The following ATAD2B variants were observed in gnomAD, a reference collection of about 807,000 sequenced individuals.
The protein encoded by ATAD2B is ATPase family AAA domain-containing protein 2B.
Under a neutral mutation model 167.6 loss-of-function variants are expected in ATAD2B, and 40 were observed. That is an observed-to-expected ratio of 0.24 (90% CI 0.19 to 0.31). The LOEUF (loss-of-function observed/expected upper bound fraction) is 0.31. Ranked by LOEUF, ATAD2B falls within the 10% of genes least tolerant of loss-of-function variation. The pLI is 1.00. For synonymous variants in ATAD2B, 579 were observed against 596.5 expected, an observed-to-expected ratio of 0.97 and a Z score of 0.43; for missense variants, 1,242 against 1,757.2, an observed-to-expected ratio of 0.71 and a Z score of 5.24.
At chr2:23,887,644 T>C (rs541696622) in intron 4 of ATAD2B, among the ~76,000 whole-genome samples, 188 bp downstream of exon 4, 26 of 152,274 alleles carry the variant, frequency 1.7e-4, no homozygotes, top group South Asian at 6.2e-4. Context: ...AGAGACTCAA[T>C]CCCACATACT....
At chr2:23,800,463 T>A (rs1683304956) in intron 18 of ATAD2B, among the ~76,000 whole-genome samples, 1 of 152,224 alleles carries the variant, frequency 6.6e-6, no homozygotes, top group Non-Finnish European at 1.5e-5. Flanking sequence ...CAACAGAAGG[T>A]TAAGTGATAA....
At chr2:23,848,998 G>C in intron 13 of ATAD2B, among the ~76,000 whole-genome samples, 1 of 150,500 alleles carries the variant, frequency 6.6e-6, no homozygotes. Context: ...AAACTCAATA[G>C]CAAAATTGAG....
intron 1 of ATAD2B, among the ~76,000 whole-genome samples, chr2:23,919,173 T>A (rs1703516178): frequency 1.4e-5 from 2 of 142,142 alleles, no homozygotes; most frequent in Admixed American, 7.8e-5. Flanking sequence ...AAAGACCCCA[T>A]CTCTATTAAA....
At chr2:23,920,045 G>A (rs966372696) in intron 1 of ATAD2B, among the ~76,000 whole-genome samples, 6 of 151,912 alleles carry the variant, frequency 3.9e-5, no homozygotes, top group Non-Finnish European at 5.9e-5. Context: ...TGGCTACTCA[G>A]GAGGCTGAGG....
In ATAD2B at chr2:23,849,542, A is replaced by G. The variant is rs576823300; in HGVS notation, c.1568+7873T>C. Among the ~76,000 whole-genome samples the G allele has an allele frequency of 1.2e-4, 19 of 152,326 alleles. No homozygotes were observed. The Middle Eastern group carries it at 0.017, about 136-fold the overall frequency. ...ATTAGACCTAAACATCTGTAAGAAA[A>G]CAAAAGAGGCCAGACACAGTGGCTC... is the stretch of plus-strand genomic sequence containing the variant. On this transcript the variant is annotated intron_variant, in intron 13 of 27. Coordinates refer to ENST00000238789, the MANE Select transcript of ATAD2B (RefSeq NM_017552.4).
At chr2:23,792,754 A>C (rs1307312916) in intron 19 of ATAD2B, among the ~76,000 whole-genome samples, 1 of 151,900 alleles carries the variant, frequency 6.6e-6, no homozygotes, top group Non-Finnish European at 1.5e-5. Flanking sequence ...CGAAGTCAGG[A>C]GATCAAGACC....
intron 21 of ATAD2B, 111 bp downstream of exon 21, chr2:23,785,916 G>T: frequency 1.1e-6 from 1 of 910,248 alleles, no homozygotes; most frequent in South Asian, 2.0e-5. Context: ...TTATAGGCTA[G>T]GGGTAATATT....
intron 25 of ATAD2B, among the ~76,000 whole-genome samples, chr2:23,757,027 T>C (rs1302323860): frequency 6.6e-6 from 1 of 152,154 alleles, no homozygotes; most frequent in Admixed American, 6.6e-5. Flanking sequence ...CTATTATCAC[T>C]AAGTCTTCTC....
rs185920931 is a variant in ATAD2B, at chr2:23,849,149, T to C, written c.1568+8266A>G. On this transcript the variant is annotated intron_variant, in intron 13 of 27. Coordinates refer to ENST00000238789, the MANE Select transcript of ATAD2B (RefSeq NM_017552.4). ...AATATATCAATAATTACATTAAACATTGACTAAACAGTCAAATTAAAATTA... is the reference window on the plus strand; with the variant it reads ...AATATATCAATAATTACATTAAACACTGACTAAACAGTCAAATTAAAATTA... Among the ~76,000 whole-genome samples, 169 of 152,218 alleles carry C rather than the reference T, an allele frequency of 1.1e-3. 1 individual carries two copies. In the Middle Eastern group the frequency reaches 0.045, roughly 40 times the overall value.
At chr2:23,798,066 G>A (rs909963521) in intron 19 of ATAD2B, 72 bp downstream of exon 19, 3 of 978,366 alleles carry the variant, frequency 3.1e-6, no homozygotes, top group Non-Finnish European at 4.3e-6. Flanking sequence ...TAATTAAAAG[G>A]TGTCCAATTT....
At position 23,807,913 on chromosome 2, in the gene ATAD2B, AATAT is replaced by A. The variant is rs1318487984; in HGVS notation, c.2454+2399_2454+2402del. Among the ~76,000 whole-genome samples the A allele has an allele frequency of 2.3e-5, 3 of 132,440 alleles. No homozygotes were observed. The East Asian group carries it at 6.1e-4, about 27-fold the overall frequency. The allele number at this position is 132,440 out of a possible 152,430, so 86.9% of individuals were successfully genotyped here. A position where few individuals can be genotyped will look rare whatever the true frequency, so the allele number is the denominator to read the frequency against. On this transcript the variant is annotated intron_variant, in intron 18 of 27. Transcript: ENST00000238789. Reference sequence around the variant, plus strand: ...GTATATAATAAAATATATAAATATAAATATATAAATATATTTATAATATATATAA... The same window carrying A: ...GTATATAATAAAATATATAAATATAAATAAATATATTTATAATATATATAA...
the ATAD2B span, among the ~76,000 whole-genome samples, chr2:23,728,548 TAAATTTTGTTTC>T: frequency 3.9e-4 from 60 of 152,284 alleles, no homozygotes; most frequent in African/African-American, 1.4e-3. Context: ...AGAAACTAAC[TAAATTTTGTTTC>T]AAAGAATAAC....
the ATAD2B span, among the ~76,000 whole-genome samples, chr2:23,694,687 G>C: frequency 6.6e-6 from 1 of 152,098 alleles, no homozygotes; most frequent in Non-Finnish European, 1.5e-5. Flanking sequence ...CAATTCTCCA[G>C]ACACACCATT....
chr2:23,772,172 G>A (rs924449907), intron 22 of ATAD2B, among the ~76,000 whole-genome samples: 1 of 151,592 alleles, frequency 6.6e-6, no homozygotes, highest in African/African-American at 2.4e-5. Flanking sequence ...TAAATAAATC[G>A]AGTCCCTTTT....
At chr2:23,813,287 ATATT>A (rs1011247478) in intron 17 of ATAD2B, among the ~76,000 whole-genome samples, 5 of 135,636 alleles carry the variant, frequency 3.7e-5, no homozygotes, top group Admixed American at 2.4e-4. Context: ...GAATTATAAA[ATATT>A]TATAAGTCAT....
chr2:23,895,900 G>C lies in ATAD2B; in HGVS notation c.287C>G (p.Pro96Arg), dbSNP rs750797548. The stretch of plus-strand genomic sequence containing the variant: ...TGATTTGTCTTTGCAAACAGAATCA[G>C]GTTGTTTCAAAGTGCGTTTGGCTGG... ...SPPAKRTLKQ[P>R]DSVCKDKSKS... The change falls in exon 2 of 28, where the codon CCT (proline) becomes CGT (arginine). Residue 96 changes from proline (P) to arginine (R), a missense_variant. Coordinates refer to ENST00000238789, the MANE Select transcript of ATAD2B (RefSeq NM_017552.4). 6.2e-7 allele frequency: 1 copy of C among 1,613,260 alleles called. No individual in the cohort carries two copies. Among genetic ancestry groups the C allele is most frequent in the Admixed American group, 1.7e-5 (1 of 59,960 alleles).
intron 22 of ATAD2B, among the ~76,000 whole-genome samples, chr2:23,769,939 C>T (rs901823099): frequency 6.6e-6 from 1 of 151,656 alleles, no homozygotes; most frequent in African/African-American, 2.4e-5. Flanking sequence ...CCACCTTGGC[C>T]TCCCAAAGTG....
In ATAD2B at chr2:23,751,781, A is replaced by G; in HGVS notation, c.*265T>C. ...GAGCAGAAGCGAGAGCAGTTTCTGT[A>G]GCACCAAAATCTCCAAGCTGTGGGG... On this transcript the variant is annotated 3_prime_UTR_variant, in exon 28 of 28. Coordinates refer to ENST00000238789, the MANE Select transcript of ATAD2B (RefSeq NM_017552.4). The G allele has an allele frequency of 2.1e-6, 1 of 470,990 alleles. No individual in the cohort carries two copies. Among genetic ancestry groups the G allele is most frequent in the Admixed American group, 4.0e-5 (1 of 24,956 alleles). 29.2% of individuals were successfully genotyped at this position (470,990 alleles called of 1,614,324 possible).
chr2:23,896,153 C>CAAAAAAAAA (rs1158562523), intron 1 of ATAD2B, among the ~76,000 whole-genome samples, 183 bp from the exon 2 acceptor site: 1 of 125,618 alleles, frequency 8.0e-6, no homozygotes, highest in Non-Finnish European at 1.7e-5. Flanking sequence ...CCGCCTCTAC[C>CAAAAAAAAA]AAAAAAAAAA....
Sources: gnomAD v4.1 joint callset for allele counts (sites outside exome capture counted in the v4.1 genomes callset) on GRCh38, gnomAD v4.1.1 for gene constraint, MANE v1.5 for transcripts, NCBI Gene and HGNC (gene_info 2026-07-23, HGNC 2026-07-21) for gene names.